The following DLGAP2 variants were observed in gnomAD, a reference collection of about 807,000 sequenced individuals.
The protein encoded by DLGAP2 is disks large-associated protein 2.
In DLGAP2, 26 loss-of-function variants were observed where a neutral mutation model predicts 100.3. The observed-to-expected ratio is 0.26, with a 90% CI of 0.19 to 0.36. The LOEUF (loss-of-function observed/expected upper bound fraction) is 0.36. Among genes scored for constraint, DLGAP2 ranks in the 10% least tolerant of loss-of-function variants. DLGAP2 has a pLI of 1.00. For missense variants in DLGAP2, 1,858 were observed against 1,453.2 expected (o/e 1.28, Z -4.53); for synonymous variants, 886 against 630.1 (o/e 1.41, Z -6.08).
At chr8:1,267,105 G>C (rs1216252646) in intron 3 of DLGAP2, among the ~76,000 whole-genome samples, 1 of 151,874 alleles carries the variant, frequency 6.6e-6, no homozygotes, top group Non-Finnish European at 1.5e-5. Context: ...GGGGGTGGGT[G>C]CCTGTAGTCC....
chr8:1,179,238 C>T (rs937397897), intron 2 of DLGAP2, among the ~76,000 whole-genome samples: 1 of 152,254 alleles, frequency 6.6e-6, no homozygotes, highest in African/African-American at 2.4e-5. Flanking sequence ...GATGGGATGG[C>T]TGAGTATTTC....
At chr8:994,270 G>A (rs370910094) in intron 2 of DLGAP2, among the ~76,000 whole-genome samples, 59 of 152,164 alleles carry the variant, frequency 3.9e-4, no homozygotes, top group Admixed American at 1.6e-3. Context: ...GCGCGATCTC[G>A]GCTCACTGCA....
intron 13 of DLGAP2, among the ~76,000 whole-genome samples, chr8:1,692,966 T>C (rs1283982974): frequency 6.7e-6 from 1 of 148,470 alleles, no homozygotes; most frequent in African/African-American, 2.4e-5. Flanking sequence ...AAAGCTCATA[T>C]ATACATCTCA....
At chr8:884,243 G>A (rs1373608245) in intron 1 of DLGAP2, among the ~76,000 whole-genome samples, 2 of 152,146 alleles carry the variant, frequency 1.3e-5, no homozygotes, top group African/African-American at 2.4e-5. Context: ...TTGAACTAAT[G>A]TACATTCCCA....
chr8:1,294,270 T>A (rs1051989503), intron 3 of DLGAP2, among the ~76,000 whole-genome samples: 1 of 152,228 alleles, frequency 6.6e-6, no homozygotes, highest in Admixed American at 6.5e-5. Context: ...GATCACATTA[T>A]ACTTGGGCTG....
chr8:1,087,120 A>G (rs1585046159), intron 2 of DLGAP2, among the ~76,000 whole-genome samples: 2 of 152,372 alleles, frequency 1.3e-5, no homozygotes, highest in South Asian at 4.1e-4. Context: ...ATTCATAAAT[A>G]GATAAAAAAG....
intron 4 of DLGAP2, among the ~76,000 whole-genome samples, chr8:1,544,557 C>G (rs565111977): frequency 5.3e-5 from 8 of 152,242 alleles, no homozygotes; most frequent in Non-Finnish European, 8.8e-5. Flanking sequence ...CATGCCTTTT[C>G]TGTATCAATT....
chr8:1,582,692 C>G (rs143523304), intron 6 of DLGAP2, among the ~76,000 whole-genome samples: 13,143 of 152,112 alleles, frequency 0.086, 1,043 homozygotes, highest in African/African-American at 0.22. Flanking sequence ...TGGGTTCAAA[C>G]GATTCTCCTG....
chr8:1,290,959 C>G (rs547894701), intron 3 of DLGAP2, among the ~76,000 whole-genome samples: 1 of 152,254 alleles, frequency 6.6e-6, no homozygotes, highest in South Asian at 2.1e-4. Context: ...AACCACCTCC[C>G]CCATCCAGCC....
intron 1 of DLGAP2, among the ~76,000 whole-genome samples, chr8:775,165 T>G (rs1821480823): frequency 6.6e-6 from 1 of 151,718 alleles, no homozygotes; most frequent in African/African-American, 2.4e-5. Flanking sequence ...GTTATTGGTG[T>G]ATAAGAATGC....
chr8:814,316 T>C (rs1445449683), intron 1 of DLGAP2, among the ~76,000 whole-genome samples: 1 of 152,218 alleles, frequency 6.6e-6, no homozygotes, highest in East Asian at 1.9e-4. Context: ...TTTGCAACAC[T>C]AGTTTAGCTC....
chr8:1,006,013 A>T (rs903686784), intron 2 of DLGAP2, among the ~76,000 whole-genome samples: 1 of 151,864 alleles, frequency 6.6e-6, no homozygotes. Context: ...ACATGGTGAA[A>T]CCCTGTCTCT....
intron 1 of DLGAP2, among the ~76,000 whole-genome samples, chr8:763,799 AAAATG>A (rs1300878144): frequency 6.6e-6 from 1 of 152,260 alleles, no homozygotes; most frequent in Admixed American, 6.5e-5. Context: ...GAATTTAAAA[AAAATG>A]AAAAGAATGA....
chr8:1,243,443 C>T (rs1331525469), intron 2 of DLGAP2, among the ~76,000 whole-genome samples: 2 of 152,206 alleles, frequency 1.3e-5, no homozygotes, highest in Non-Finnish European at 2.9e-5. Flanking sequence ...TCATCTGAGG[C>T]CAGATGTTCT....
At chr8:1,009,888 A>T (rs1347971471) in intron 2 of DLGAP2, among the ~76,000 whole-genome samples, 1 of 152,138 alleles carries the variant, frequency 6.6e-6, no homozygotes, top group East Asian at 1.9e-4. Flanking sequence ...CTCATAGGAG[A>T]TTGTGTTTGG....
At chr8:837,807 C>G (rs1043592054) in intron 1 of DLGAP2, among the ~76,000 whole-genome samples, 1 of 150,740 alleles carries the variant, frequency 6.6e-6, no homozygotes, top group Non-Finnish European at 1.5e-5. Flanking sequence ...ACTTCTGCCT[C>G]CCGGGTTCAA....
chr8:1,551,893 T>C (rs895015413), intron 5 of DLGAP2, among the ~76,000 whole-genome samples: 10 of 152,230 alleles, frequency 6.6e-5, no homozygotes, highest in African/African-American at 2.4e-4. Flanking sequence ...TGTTGGCTTT[T>C]ATTTGAATCA....
intron 2 of DLGAP2, among the ~76,000 whole-genome samples, chr8:1,057,167 C>A (rs1407947669): frequency 6.6e-6 from 1 of 152,194 alleles, no homozygotes; most frequent in Non-Finnish European, 1.5e-5. Context: ...ATACTTTTTA[C>A]CCTAGGACAC....
At chr8:1,133,213 C>T (rs1023874393) in intron 2 of DLGAP2, among the ~76,000 whole-genome samples, 2 of 152,186 alleles carry the variant, frequency 1.3e-5, no homozygotes, top group African/African-American at 2.4e-5. Context: ...AGCCAGATAC[C>T]TGGCATTTTT....
Sources: gnomAD v4.1 joint callset for allele counts (sites outside exome capture counted in the v4.1 genomes callset) on GRCh38, gnomAD v4.1.1 for gene constraint, MANE v1.5 for transcripts, NCBI Gene and HGNC (gene_info 2026-07-23, HGNC 2026-07-21) for gene names.